Variants in MTFR1L observed in about 807,000 individuals in gnomAD.
The protein encoded by MTFR1L is mitochondrial fission regulator 1 like.
A neutral mutation model predicts 27.9 loss-of-function variants in MTFR1L; 10 were observed. That is an observed-to-expected ratio of 0.36 (90% CI 0.22 to 0.61). The LOEUF (loss-of-function observed/expected upper bound fraction) is 0.61, where lower values mean the gene tolerates loss of function less well. Among genes scored for constraint, MTFR1L ranks in the 20% least tolerant of loss-of-function variants. The probability of loss-of-function intolerance (pLI) is 0.73; values close to 1 mark genes in which losing one functional copy is unlikely to be tolerated. For missense variants in MTFR1L, 315 were observed against 363.7 expected, an observed-to-expected ratio of 0.87 and a Z score of 1.09; for synonymous variants, 151 against 139.4, an observed-to-expected ratio of 1.08 and a Z score of -0.58.
At position 25,832,636 on chromosome 1, in the gene MTFR1L, C is replaced by A. The variant is rs1240346658; in HGVS notation, c.*610C>A. On this transcript the variant is annotated 3_prime_UTR_variant, in exon 7 of 7. Coordinates refer to ENST00000374303, the MANE Select transcript of MTFR1L (RefSeq NM_001099625.2). ...CCTGGGCTGTTTTTTTTCTTAAACA[C>A]ATTTTATATTACTGAACAACCAAAT... 6.0e-6 allele frequency: 1 copy of A among 166,874 alleles called. No individual in the cohort carries two copies. The highest frequency in any genetic ancestry group is 1.3e-5 in the Non-Finnish European group (1 of 74,918). The allele number at this position is 166,874 out of a possible 1,614,324, so 10.3% of individuals were successfully genotyped here. A position where few individuals can be genotyped will look rare whatever the true frequency, so the allele number is the denominator to read the frequency against.
At position 25,831,963 on chromosome 1, in the gene MTFR1L, C is replaced by A; in HGVS notation, c.816C>A (p.Ile272=). 17 of 1,614,212 alleles carry A rather than the reference C, an allele frequency of 1.1e-5. No homozygotes were observed. Among genetic ancestry groups the A allele is most frequent in the Non-Finnish European group, 1.4e-5 (17 of 1,180,044 alleles). Residue 272 remains isoleucine, a synonymous_variant, in exon 7 of 7, where the codon ATC becomes ATA. Coordinates refer to ENST00000374303, the MANE Select transcript of MTFR1L (RefSeq NM_001099625.2). ...LLKEEDPAVL[I]SEVLRRKFAL... is the part of the protein sequence containing the mutation. ...AGGAGGAAGACCCTGCTGTGCTTAT[C>A]TCTGAGGTCCTAAGGAGGAAGTTTG...
intron 1 of MTFR1L, chr1:25,820,660 G>T (rs1267058015): frequency 2.3e-6 from 1 of 426,750 alleles, no homozygotes; most frequent in Non-Finnish European, 4.6e-6. Flanking sequence ...GGGCGCAGAG[G>T]TGACAAGACC....
chr1:25,831,667 T>G (rs1487090212), intron 6 of MTFR1L, among the ~76,000 whole-genome samples: 1 of 151,870 alleles, frequency 6.6e-6, no homozygotes, highest in Non-Finnish European at 1.5e-5. Flanking sequence ...TAAAGCATTC[T>G]AGTTAATAGA....
intron 5 of MTFR1L, among the ~76,000 whole-genome samples, chr1:25,828,706 G>C (rs928839903): frequency 7.2e-5 from 11 of 152,128 alleles, no homozygotes; most frequent in African/African-American, 2.7e-4. Context: ...CCAACAGGTG[G>C]ATCGCTCCCA....
At chr1:25,822,939 T>G in intron 1 of MTFR1L, 80 bp from the exon 2 acceptor site, 2 of 1,288,736 alleles carry the variant, frequency 1.6e-6, no homozygotes, top group South Asian at 2.4e-5. Context: ...AGGGCCTGGT[T>G]TTTTGGGGCT....
At position 25,826,462 on chromosome 1, in the gene MTFR1L, A is replaced by G. The variant is rs1338048859; in HGVS notation, c.239+51A>G. On this transcript the variant is annotated intron_variant, in intron 4 of 6. Transcript: ENST00000374303. The surrounding 1 kb of genome is among the most constrained non-coding windows in gnomAD (Gnocchi z 4.1). ...TAAGGAATGGAGAACTTCCCAGAAG[A>G]GGTGGCAGGCAGCAAGGAGAGAGGA... The G allele has an allele frequency of 6.2e-7, 1 of 1,602,208 alleles. No individual in the cohort carries two copies. The highest frequency in any genetic ancestry group is 8.6e-7 in the Non-Finnish European group (1 of 1,169,244).
chr1:25,828,578 A>C (rs1036666550), intron 5 of MTFR1L, among the ~76,000 whole-genome samples: 1 of 152,066 alleles, frequency 6.6e-6, no homozygotes, highest in African/African-American at 2.4e-5. Context: ...AAAAAAAAAA[A>C]ACAGTGGTCT....
intron 2 of MTFR1L, chr1:25,823,395 C>T: frequency 1.4e-6 from 1 of 727,286 alleles, no homozygotes; most frequent in Non-Finnish European, 2.5e-6. Flanking sequence ...TACTTCCTCT[C>T]CCCTTCCCTG....
Position 25,832,532 on chromosome 1 carries a change from AATCACCCTCCTCACTTCC to A in MTFR1L, c.*507_*524del, listed in dbSNP as rs2048260043. On this transcript the variant is annotated 3_prime_UTR_variant, in exon 7 of 7. Coordinates refer to ENST00000374303, the MANE Select transcript of MTFR1L (RefSeq NM_001099625.2). ...TCATAAACCTACACCAATGCCCAGC[AATCACCCTCCTCACTTCC>A]TTGTCTAGATGTAGAGGTCAGGCTG... is the stretch of plus-strand genomic sequence containing the variant. 1 of 217,132 alleles carries A rather than the reference AATCACCCTCCTCACTTCC, an allele frequency of 4.6e-6. No individual in the cohort carries two copies. The highest frequency in any genetic ancestry group is 9.5e-6 in the Non-Finnish European group (1 of 105,002). The allele number at this position is 217,132 out of a possible 1,614,324, so 13.5% of individuals were successfully genotyped here.
Position 25,831,855 on chromosome 1 carries a change from G to A in MTFR1L, c.774-66G>A. On this transcript the variant is annotated intron_variant, in intron 6 of 6. Transcript: ENST00000374303. ...TGTTGTGAGGATTCAACGAGATAAT[G>A]TATTCAAAAGATATACAGCACTACA... 10 of 1,256,076 alleles carry A rather than the reference G, an allele frequency of 8.0e-6. No homozygotes were observed. In the Admixed American group the frequency reaches 1.2e-4, roughly 15 times the overall value. 77.8% of individuals were successfully genotyped at this position (1,256,076 alleles called of 1,614,324 possible).
In MTFR1L at chr1:25,826,906, A is replaced by C. The variant is rs2048176769; in HGVS notation, c.451+80A>C. ...TCTTGGGCAGGATAGGGGTAAAGAAAGTGGTAATCCTTGGTTTGCAGGTAC... is the reference window on the plus strand; with the variant it reads ...TCTTGGGCAGGATAGGGGTAAAGAACGTGGTAATCCTTGGTTTGCAGGTAC... On this transcript the variant is annotated intron_variant, in intron 5 of 6. Transcript: ENST00000374303. This position sits in a 1 kb window ranked among gnomAD's most constrained non-coding sequence, Gnocchi z 4.1. 1.3e-6 allele frequency: 2 copies of C among 1,489,000 alleles called. No individual in the cohort carries two copies. Among genetic ancestry groups the C allele is most frequent in the African/African-American group, 1.4e-5 (1 of 71,844 alleles). 92.2% of individuals were successfully genotyped at this position (1,489,000 alleles called of 1,614,324 possible).
chr1:25,826,931 C>T lies in MTFR1L; in HGVS notation c.451+105C>T. ...AGTGGTAATCCTTGGTTTGCAGGTA[C>T]TTAGGTTCCGGGCCCTGGGGTTGTC... On this transcript the variant is annotated intron_variant, in intron 5 of 6. Coordinates refer to ENST00000374303, the MANE Select transcript of MTFR1L (RefSeq NM_001099625.2). This position sits in a 1 kb window ranked among gnomAD's most constrained non-coding sequence, Gnocchi z 4.1. 1 of 1,328,556 alleles carries T rather than the reference C, an allele frequency of 7.5e-7. No homozygotes were observed. The highest frequency in any genetic ancestry group is 2.6e-4 in the Middle Eastern group (1 of 3,792). 82.3% of individuals were successfully genotyped at this position (1,328,556 alleles called of 1,614,324 possible).
rs113663585 is a variant in MTFR1L at position 25,830,136 on chromosome 1, A to T, written c.773+306A>T. The stretch of plus-strand genomic sequence containing the variant: ...CTTCAGTCCTCATACTGCTAGTGAC[A>T]GTGTCTTCATGGCCCACCCTTCAAA... On this transcript the variant is annotated intron_variant, in intron 6 of 6. Transcript: ENST00000374303. Among the ~76,000 whole-genome samples, 102 of 152,304 alleles carry T rather than the reference A, an allele frequency of 6.7e-4. 1 individual carries two copies. The highest frequency in any genetic ancestry group is 2.3e-3 in the African/African-American group (97 of 41,554).
At chr1:25,830,907 A>G (rs1052965776) in intron 6 of MTFR1L, among the ~76,000 whole-genome samples, 3 of 152,136 alleles carry the variant, frequency 2.0e-5, no homozygotes, top group Admixed American at 6.5e-5. Flanking sequence ...ATACTCACCC[A>G]TATCTCTTTG....
At chr1:25,822,959 A>G (rs1213063644) in intron 1 of MTFR1L, 60 bp from the exon 2 acceptor site, 4 of 1,449,440 alleles carry the variant, frequency 2.8e-6, no homozygotes, top group South Asian at 1.1e-5. Context: ...TTGTGTGGTG[A>G]CCATTAAATC....
chr1:25,821,039 C>G, intron 1 of MTFR1L: 1 of 271,694 alleles, frequency 3.7e-6, no homozygotes, highest in South Asian at 3.1e-5. Flanking sequence ...GCCAGTGTGG[C>G]TGGAGGGCAA....
intron 6 of MTFR1L, among the ~76,000 whole-genome samples, chr1:25,831,078 T>C (rs187570811): frequency 6.6e-5 from 10 of 152,272 alleles, no homozygotes; most frequent in South Asian, 4.1e-4. Context: ...CTCCTCCCAC[T>C]TGTGTCCTCA....
Position 25,826,839 on chromosome 1 carries a change from G to A in MTFR1L, c.451+13G>A, listed in dbSNP as rs1410727946. The A allele has an allele frequency of 1.2e-6, 2 of 1,612,880 alleles. No individual in the cohort carries two copies. Among genetic ancestry groups the A allele is most frequent in the Non-Finnish European group, 1.7e-6 (2 of 1,179,754 alleles). On this transcript the variant is annotated intron_variant, in intron 5 of 6. Transcript: ENST00000374303. This position sits in a 1 kb window ranked among gnomAD's most constrained non-coding sequence, Gnocchi z 4.1. ...GCAGCTGATGCAGGTAGGAGCCCCTGTGCCAGGGCCAGAACGTAACAGGCT... is the reference window on the plus strand; with the variant it reads ...GCAGCTGATGCAGGTAGGAGCCCCTATGCCAGGGCCAGAACGTAACAGGCT...
intron 3 of MTFR1L, among the ~76,000 whole-genome samples, chr1:25,824,867 G>A (rs1018050516): frequency 5.9e-5 from 9 of 152,140 alleles, no homozygotes; most frequent in Non-Finnish European, 1.2e-4. Flanking sequence ...TTGGCCAGAT[G>A]CTGGGCAGAG....
Sources: allele counts gnomAD v4.1 joint callset (sites outside exome capture counted in the v4.1 genomes callset), GRCh38; gene constraint gnomAD v4.1.1; non-coding constraint Gnocchi (gnomAD v3.1); transcripts MANE v1.5; gene names NCBI Gene and HGNC (gene_info 2026-07-23, HGNC 2026-07-21).